Variants in LRRTM4 observed in about 807,000 individuals in gnomAD.
LRRTM4 encodes leucine rich repeat transmembrane neuronal 4.
A neutral mutation model predicts 47.6 loss-of-function variants in LRRTM4; 25 were observed. The observed-to-expected ratio is 0.53, with a 90% CI of 0.38 to 0.73. The LOEUF (loss-of-function observed/expected upper bound fraction) is 0.73, where lower values mean the gene tolerates loss of function less well. Ranked by LOEUF, LRRTM4 falls within the 30% of genes least tolerant of loss-of-function variation. The pLI, the probability that LRRTM4 is intolerant of heterozygous loss-of-function variation, is 0.00. For missense variants in LRRTM4, 638 were observed against 713.4 expected (o/e 0.89, Z 1.20); for synonymous variants, 311 against 269.5 (o/e 1.15, Z -1.51).
At chr2:77,410,108 C>A (rs1674360770) in intron 3 of LRRTM4, among the ~76,000 whole-genome samples, 1 of 152,078 alleles carries the variant, frequency 6.6e-6, no homozygotes, top group African/African-American at 2.4e-5. Flanking sequence ...TCCATATCTA[C>A]ATTTATCTGT....
At chr2:76,797,375 A>G (rs1675396310) in intron 3 of LRRTM4, among the ~76,000 whole-genome samples, 3 of 152,102 alleles carry the variant, frequency 2.0e-5, no homozygotes. Context: ...AAGCTTCATA[A>G]GCGAATGAGA....
At chr2:77,091,300 G>A (rs370544992) in intron 3 of LRRTM4, among the ~76,000 whole-genome samples, 15,182 of 124,494 alleles carry the variant, frequency 0.12, 380 homozygotes, top group African/African-American at 0.33. Context: ...CTTGGCGACC[G>A]ATCATGCACC....
At chr2:77,402,688 C>G (rs1674007598) in intron 3 of LRRTM4, among the ~76,000 whole-genome samples, 1 of 151,982 alleles carries the variant, frequency 6.6e-6, no homozygotes, top group Non-Finnish European at 1.5e-5. Context: ...ACTTCTTACT[C>G]TGTTTTCACA....
At chr2:76,974,343 A>C (rs1300028682) in intron 3 of LRRTM4, among the ~76,000 whole-genome samples, 1 of 149,340 alleles carries the variant, frequency 6.7e-6, no homozygotes, top group Non-Finnish European at 1.5e-5. Flanking sequence ...TGGCTTTATC[A>C]CTCCTGAAAT....
At chr2:76,861,950 T>C (rs531087402) in intron 3 of LRRTM4, among the ~76,000 whole-genome samples, 2 of 152,266 alleles carry the variant, frequency 1.3e-5, no homozygotes, top group East Asian at 3.9e-4. Context: ...GCTAAATCAA[T>C]GTTGTACCAA....
At chr2:77,018,812 T>C (rs945527406) in intron 3 of LRRTM4, among the ~76,000 whole-genome samples, 1 of 151,778 alleles carries the variant, frequency 6.6e-6, no homozygotes, top group Non-Finnish European at 1.5e-5. Context: ...TAATAAACAA[T>C]TGGTATGTCA....
chr2:77,374,802 C>T (rs980319608), intron 3 of LRRTM4, among the ~76,000 whole-genome samples: 4 of 151,618 alleles, frequency 2.6e-5, no homozygotes, highest in African/African-American at 9.7e-5. Flanking sequence ...GATCTCATTG[C>T]CATAAATTTT....
intron 3 of LRRTM4, among the ~76,000 whole-genome samples, chr2:76,962,596 C>T (rs1299010721): frequency 6.7e-6 from 1 of 149,914 alleles, no homozygotes; most frequent in South Asian, 2.1e-4. Context: ...ATTTAAAACC[C>T]ACGTATGTAT....
At position 76,867,150 on chromosome 2, in the gene LRRTM4, G is replaced by A. The variant is rs139448544; in HGVS notation, c.1552-118234C>T. ...TTAAAACCTAGATGACGGGTTGATA[G>A]GTGCAGCAAACCACCATGACACATA... On this transcript the variant is annotated intron_variant, in intron 3 of 3. Transcript: ENST00000409884. Among the ~76,000 whole-genome samples, 498 of 152,212 alleles carry A rather than the reference G, an allele frequency of 3.3e-3. 5 individuals carry two copies. The highest frequency in any genetic ancestry group is 0.012 in the African/African-American group (480 of 41,544).
At chr2:77,226,176 A>C (rs1277162305) in intron 3 of LRRTM4, among the ~76,000 whole-genome samples, 1 of 151,926 alleles carries the variant, frequency 6.6e-6, no homozygotes, top group Non-Finnish European at 1.5e-5. Flanking sequence ...AAAAACAATT[A>C]CAATTCCTCT....
In LRRTM4 at chr2:77,292,976, T is replaced by G. The variant is rs1676870035; in HGVS notation, c.1551+225342A>C. ...CATTGCTTTAAAAATACCTAAAACT[T>G]AAAGTATAATAATAAAAAAATATAT... On this transcript the variant is annotated intron_variant, in intron 3 of 3. Coordinates refer to ENST00000409884, the MANE Select transcript of LRRTM4 (RefSeq NM_001134745.3). Among the ~76,000 whole-genome samples the G allele has an allele frequency of 2.0e-5, 3 of 151,724 alleles. No individual in the cohort carries two copies. In the South Asian group the frequency reaches 6.2e-4, roughly 31 times the overall value.
chr2:77,167,095 T>C (rs796984422), intron 3 of LRRTM4, among the ~76,000 whole-genome samples: 52 of 151,882 alleles, frequency 3.4e-4, no homozygotes, highest in African/African-American at 1.0e-3. Flanking sequence ...ACAAAAAACT[T>C]AAACAAATTT....
At chr2:77,070,720 T>C (rs1358654874) in intron 3 of LRRTM4, among the ~76,000 whole-genome samples, 4 of 152,098 alleles carry the variant, frequency 2.6e-5, no homozygotes, top group Non-Finnish European at 5.9e-5. Flanking sequence ...ATCTTCTGCC[T>C]CCCAGGTTCA....
At chr2:76,884,685 A>G (rs138629912) in intron 3 of LRRTM4, among the ~76,000 whole-genome samples, 25 of 152,292 alleles carry the variant, frequency 1.6e-4, no homozygotes, top group African/African-American at 5.3e-4. Context: ...AAAAAAGAGA[A>G]ACAACCAGTA....
intron 3 of LRRTM4, among the ~76,000 whole-genome samples, chr2:76,961,279 A>G (rs1675850649): frequency 6.6e-6 from 1 of 151,368 alleles, no homozygotes; most frequent in South Asian, 2.1e-4. Context: ...TCAAAACATG[A>G]ATGATTTGTC....
At chr2:77,057,948 T>G (rs1226190100) in intron 3 of LRRTM4, among the ~76,000 whole-genome samples, 1 of 152,192 alleles carries the variant, frequency 6.6e-6, no homozygotes, top group Non-Finnish European at 1.5e-5. Context: ...ATTTCCATTT[T>G]CTGTATCAGC....
At chr2:77,487,800 C>T (rs1187305220) in intron 3 of LRRTM4, among the ~76,000 whole-genome samples, 1 of 152,160 alleles carries the variant, frequency 6.6e-6, no homozygotes, top group African/African-American at 2.4e-5. Context: ...AATCAGCATG[C>T]ACTTCCTCCC....
At chr2:77,118,712 C>G (rs191137120) in intron 3 of LRRTM4, among the ~76,000 whole-genome samples, 1 of 151,918 alleles carries the variant, frequency 6.6e-6, no homozygotes, top group East Asian at 1.9e-4. Context: ...TGGAGACATG[C>G]TACTTGATTT....
chr2:77,411,104 A>T (rs1180355462), intron 3 of LRRTM4, among the ~76,000 whole-genome samples: 1 of 152,200 alleles, frequency 6.6e-6, no homozygotes, highest in Non-Finnish European at 1.5e-5. Flanking sequence ...GTAGAGGGGT[A>T]GAGTACCTTT....
Sources: allele counts gnomAD v4.1 joint callset (sites outside exome capture counted in the v4.1 genomes callset), GRCh38; gene constraint gnomAD v4.1.1; transcripts MANE v1.5; gene names NCBI Gene and HGNC (gene_info 2026-07-23, HGNC 2026-07-21).